The following ARMCX4 variants were observed in gnomAD, a reference collection of about 807,000 sequenced individuals.
The protein encoded by ARMCX4 is armadillo repeat-containing X-linked protein 4.
A neutral mutation model predicts 34.7 loss-of-function variants in ARMCX4; 3 were observed. The observed-to-expected ratio is 0.09, with a 90% CI of 0.04 to 0.22. ARMCX4 has a LOEUF of 0.22. Ranked by LOEUF, ARMCX4 falls within the 10% of genes least tolerant of loss-of-function variation. ARMCX4 has a pLI of 1.00. For missense variants in ARMCX4, 1,448 were observed against 1,720.8 expected (o/e 0.84, Z 2.81); for synonymous variants, 513 against 632.8 (o/e 0.81, Z 2.84).
chrX:101,527,671 T>C (rs782547399), intron 11 of ARMCX4, among the ~76,000 whole-genome samples: 21 of 111,228 alleles, frequency 1.9e-4, no homozygotes, highest in South Asian at 1.5e-3. Flanking sequence ...CCCACAGAAA[T>C]ACAAACTATC....
upstream of ARMCX4, among the ~76,000 whole-genome samples, chrX:101,483,502 G>T: frequency 9.0e-6 from 1 of 111,362 alleles, no homozygotes. Context: ...AGGCATAGTT[G>T]CTTTGATTTG....
At chrX:101,445,401 G>A (rs3027566) in intron 3 of ARMCX4, among the ~76,000 whole-genome samples, 5 of 110,331 alleles carry the variant, frequency 4.5e-5, no homozygotes, top group Non-Finnish European at 7.6e-5. Flanking sequence ...TTTCCACAAT[G>A]CTTTAGCATG....
At chrX:101,519,517 A>G (rs782783915) in intron 11 of ARMCX4, among the ~76,000 whole-genome samples, 1 of 111,615 alleles carries the variant, frequency 9.0e-6, no homozygotes, top group Non-Finnish European at 1.9e-5. Flanking sequence ...CTTTTTAAAG[A>G]CTGAATAACA....
intron 11 of ARMCX4, among the ~76,000 whole-genome samples, chrX:101,525,755 G>C (rs1293929677): frequency 9.0e-6 from 1 of 111,089 alleles, no homozygotes; most frequent in Non-Finnish European, 1.9e-5. Flanking sequence ...ATCAGTGATT[G>C]AAGATCAAAT....
intron 11 of ARMCX4, among the ~76,000 whole-genome samples, chrX:101,511,281 C>G (rs1265456917): frequency 3.6e-5 from 4 of 110,934 alleles, no homozygotes; most frequent in African/African-American, 1.3e-4. Context: ...AAATCTCTTT[C>G]TTATTGTGTT....
chrX:101,435,489 G>A (rs782516856), intron 2 of ARMCX4, among the ~76,000 whole-genome samples: 4 of 111,569 alleles, frequency 3.6e-5, no homozygotes, highest in Admixed American at 2.9e-4. Context: ...GAGGTTGTTT[G>A]ATTTTTTTCT....
intron 3 of ARMCX4, among the ~76,000 whole-genome samples, chrX:101,445,467 C>G (rs1236688323): frequency 2.7e-5 from 3 of 111,875 alleles, no homozygotes; most frequent in Admixed American, 9.5e-5. Context: ...GTCACCACAT[C>G]CTCAGATCAA....
At chrX:101,479,959 G>A (rs782257571) in intron 4 of ARMCX4, among the ~76,000 whole-genome samples, 1 of 110,904 alleles carries the variant, frequency 9.0e-6, no homozygotes, top group Admixed American at 9.7e-5. Context: ...ATGTAAAAGT[G>A]TGATATTGAG....
At chrX:101,434,229 G>C (rs1343765036) in intron 2 of ARMCX4, among the ~76,000 whole-genome samples, 2 of 107,351 alleles carry the variant, frequency 1.9e-5, no homozygotes, top group South Asian at 4.1e-4. Flanking sequence ...TTACAGGTGT[G>C]AGCAATGTGC....
At chrX:101,529,347 G>T (rs782289838) in intron 11 of ARMCX4, among the ~76,000 whole-genome samples, 8 of 111,524 alleles carry the variant, frequency 7.2e-5, no homozygotes, top group Non-Finnish European at 1.3e-4. Context: ...ATGGATTAAA[G>T]ACTTAAATAT....
chrX:101,435,458 A>G (rs1232872838), intron 2 of ARMCX4, among the ~76,000 whole-genome samples: 1 of 111,443 alleles, frequency 9.0e-6, no homozygotes, highest in African/African-American at 3.3e-5. Context: ...GTCTGTTCAT[A>G]TCCTTCGCCC....
rs782513000 is a variant in ARMCX4 at position 101,431,051 on chromosome X, C to T, written n.164+12051C>T. On this transcript the variant is annotated intron_variant and non_coding_transcript_variant, in intron 2 of 3. Coordinates refer to the ARMCX4 transcript ENST00000430461. ...TGGAAGGCTTCTCTGAAGGTGGACT[C>T]CGAAGGATCTAAGGCTCAGATGTTC... is the stretch of plus-strand genomic sequence containing the variant. Among the ~76,000 whole-genome samples, 26 of 111,527 alleles carry T rather than the reference C, an allele frequency of 2.3e-4. 1 individual carries two copies. In the South Asian group the frequency reaches 9.4e-3, roughly 40 times the overall value.
At position 101,492,310 on chromosome X, in the gene ARMCX4, G is replaced by A; in HGVS notation, c.3721G>A (p.Ala1241Thr). ...TGGAGAGCTTTGGGCTGCGGGTCAG[G>A]CCAGTGATGGGTCCTGGCCTGGGGG... ...AIGELWAAGQ[A>T]SDGSWPGGQA... Residue 1241 changes from alanine to threonine, a missense_variant, in exon 6 of 6, where the codon GCC becomes ACC. Ala to Thr is a moderately conservative substitution (Grantham distance 58). This residue lies in a region of ARMCX4 where 1,343 missense variants were observed against 1,540.7 expected (regional missense o/e 0.87). Coordinates refer to ENST00000423738, the MANE Select transcript of ARMCX4 (RefSeq NM_001256155.3). 8.7e-7 allele frequency: 1 copy of A among 1,148,082 alleles called. No homozygotes were observed. The highest frequency in any genetic ancestry group is 1.2e-6 in the Non-Finnish European group (1 of 868,756). The allele number at this position is 1,148,082 out of a possible 1,213,427, so 94.6% of individuals were successfully genotyped here. A position where few individuals can be genotyped will look rare whatever the true frequency, so the allele number is the denominator to read the frequency against.
rs147509493 is a variant in ARMCX4 at position 101,432,391 on chromosome X, G to A, written n.165-11661G>A. Among the ~76,000 whole-genome samples the A allele has an allele frequency of 2.2e-3, 241 of 111,654 alleles. 1 individual carries two copies. Among genetic ancestry groups the A allele is most frequent in the Non-Finnish European group, 1.3e-3 (68 of 53,136 alleles). ...ACATTTACCATATAGGGCTGGGCGC[G>A]GTGGCTCATGCCTGTAATCCCAGCA... On this transcript the variant is annotated intron_variant and non_coding_transcript_variant, in intron 2 of 3. Transcript: ENST00000430461.
At chrX:101,467,056 T>C (rs891224606) in intron 4 of ARMCX4, among the ~76,000 whole-genome samples, 6 of 112,742 alleles carry the variant, frequency 5.3e-5, no homozygotes, top group Admixed American at 9.4e-5. Flanking sequence ...GAATCCTTTT[T>C]ATTTTTGTAT....
At chrX:101,477,929 T>G (rs782103638) in intron 4 of ARMCX4, among the ~76,000 whole-genome samples, 1 of 112,195 alleles carries the variant, frequency 8.9e-6, no homozygotes, top group African/African-American at 3.2e-5. Flanking sequence ...TTGTTCAAAT[T>G]AAACATCCAT....
chrX:101,436,552 G>A (rs1159602899), intron 2 of ARMCX4, among the ~76,000 whole-genome samples: 3 of 111,589 alleles, frequency 2.7e-5, no homozygotes, highest in African/African-American at 6.5e-5. Flanking sequence ...GGGCTGAGAT[G>A]ATGGGGTTTT....
intron 3 of ARMCX4, 44 bp from the exon 4 acceptor site, chrX:101,487,564 G>T (rs2361298): frequency 5.3e-6 from 4 of 756,040 alleles, no homozygotes; most frequent in South Asian, 4.6e-5. Flanking sequence ...TGTTCTACCA[G>T]GGACTCGGTT....
chrX:101,483,417 C>T (rs1420167714), upstream of ARMCX4, among the ~76,000 whole-genome samples: 3 of 111,367 alleles, frequency 2.7e-5, no homozygotes, highest in Admixed American at 1.9e-4. Flanking sequence ...TAGAGGAGTG[C>T]CCATTTCTTG....
Sources: allele counts gnomAD v4.1 joint callset (sites outside exome capture counted in the v4.1 genomes callset), GRCh38; gene constraint gnomAD v4.1.1; regional missense constraint gnomAD v4.1.1; transcripts MANE v1.5; gene names NCBI Gene and HGNC (gene_info 2026-07-23, HGNC 2026-07-21).